The following GSE1 variants were observed in gnomAD, a reference collection of about 807,000 sequenced individuals.
GSE1 encodes genetic suppressor element 1.
Under a neutral mutation model 112.6 loss-of-function variants are expected in GSE1, and 32 were observed. The ratio of observed to expected loss-of-function variants is 0.28; its 90% CI spans 0.21 to 0.38. GSE1 has a LOEUF of 0.38. GSE1 is among the 10% of genes least tolerant of loss of function. The pLI, the probability that GSE1 is intolerant of heterozygous loss-of-function variation, is 1.00. For synonymous variants in GSE1, 1,115 were observed against 735.6 expected (o/e 1.52, Z -8.35); for missense variants, 2,348 against 1,699.2 (o/e 1.38, Z -6.71).
chr16:85,555,044 C>G (rs2045130701), upstream of GSE1: 2 of 985,366 alleles, frequency 2.0e-6, no homozygotes, highest in Non-Finnish European at 2.4e-6. Flanking sequence ...GCAAGTGAAA[C>G]TATTATTATC....
chr16:85,424,035 G>A (rs911942065), intron 2 of GSE1, among the ~76,000 whole-genome samples: 2 of 152,270 alleles, frequency 1.3e-5, no homozygotes, highest in Admixed American at 6.5e-5. Flanking sequence ...GGAGGCCAGA[G>A]CCTCCTCCAT....
chr16:85,584,749 A>G (rs1163539042), intron 1 of GSE1, among the ~76,000 whole-genome samples: 2 of 152,224 alleles, frequency 1.3e-5, no homozygotes, highest in African/African-American at 2.4e-5. Flanking sequence ...ATCAAATTTT[A>G]TCCTCTAATC....
intron 14 of GSE1, 24 bp downstream of exon 14, chr16:85,668,448 G>C (rs770332974): frequency 1.3e-6 from 2 of 1,492,632 alleles, no homozygotes; most frequent in African/African-American, 1.4e-5. Context: ...GGGGAAGAGG[G>C]GGGAGGGGGT....
intron 2 of GSE1, among the ~76,000 whole-genome samples, chr16:85,460,717 T>C (rs2049945934): frequency 6.6e-6 from 1 of 151,618 alleles, no homozygotes; most frequent in Non-Finnish European, 1.5e-5. Flanking sequence ...GGAGCACCCA[T>C]GCGCAGACAC....
At chr16:85,364,371 G>T (rs10438603) in intron 2 of GSE1, among the ~76,000 whole-genome samples, 1 of 152,142 alleles carries the variant, frequency 6.6e-6, no homozygotes, top group African/African-American at 2.4e-5. Flanking sequence ...CTCAAGGTCA[G>T]CTGGTTAGCA....
chr16:85,635,106 G>A (rs2049878293), intron 2 of GSE1, among the ~76,000 whole-genome samples: 1 of 152,184 alleles, frequency 6.6e-6, no homozygotes, highest in African/African-American at 2.4e-5. Context: ...TTCCAGCTTG[G>A]CAGAGGGGAC....
At chr16:85,385,514 G>A (rs1241219580) in intron 2 of GSE1, among the ~76,000 whole-genome samples, 1 of 152,198 alleles carries the variant, frequency 6.6e-6, no homozygotes, top group East Asian at 1.9e-4. Flanking sequence ...GGGCCCTGGG[G>A]AGCAGGGCAG....
At chr16:85,599,121 G>A (rs1300878094) in intron 1 of GSE1, among the ~76,000 whole-genome samples, 1 of 152,142 alleles carries the variant, frequency 6.6e-6, no homozygotes, top group East Asian at 1.9e-4. Context: ...CTTACACTGG[G>A]GACCCAATTC....
chr16:85,265,544 T>C (rs905062939), intron 1 of GSE1, among the ~76,000 whole-genome samples: 1 of 152,110 alleles, frequency 6.6e-6, no homozygotes, highest in African/African-American at 2.4e-5. Flanking sequence ...GACCCCTCCT[T>C]TGTCCCCTGG....
chr16:85,236,325 T>C (rs2143886520), intron 1 of GSE1, among the ~76,000 whole-genome samples: 1 of 152,244 alleles, frequency 6.6e-6, no homozygotes, highest in Non-Finnish European at 1.5e-5. Flanking sequence ...AAAAGTCAAA[T>C]AAGGATCTGA....
intron 2 of GSE1, among the ~76,000 whole-genome samples, chr16:85,436,333 A>C (rs1239593716): frequency 2.0e-5 from 3 of 152,148 alleles, no homozygotes. Context: ...AGAGCTCAAG[A>C]CACTGTCTCC....
At chr16:85,615,009 G>T (rs1399360158) in intron 1 of GSE1, among the ~76,000 whole-genome samples, 6 of 152,234 alleles carry the variant, frequency 3.9e-5, no homozygotes, top group Non-Finnish European at 4.4e-5. Context: ...CGGCCGTCTC[G>T]TCCTCTCCTC....
chr16:85,642,073 C>T (rs937957992), intron 2 of GSE1, among the ~76,000 whole-genome samples: 13 of 152,370 alleles, frequency 8.5e-5, no homozygotes, highest in East Asian at 1.9e-4. Context: ...CTGGCATCGC[C>T]GTTGGTGGGT....
Position 85,445,120 on chromosome 16 carries a change from C to T in GSE1, c.2464+87477C>T, listed in dbSNP as rs530067099. ...CTTCCAGCCTGAATCGCTGGTGGCA[C>T]CCCACAGGGCCCCCTTGTTCTGAGC... is the stretch of plus-strand genomic sequence containing the variant. On this transcript the variant is annotated intron_variant, in intron 2 of 2. Transcript: ENST00000637419. Among the ~76,000 whole-genome samples the T allele has an allele frequency of 2.0e-5, 3 of 152,380 alleles. No individual in the cohort carries two copies. In the South Asian group the frequency reaches 6.2e-4, roughly 32 times the overall value.
intron 1 of GSE1, among the ~76,000 whole-genome samples, chr16:85,342,109 C>T (rs535076345): frequency 6.6e-6 from 1 of 152,182 alleles, no homozygotes; most frequent in African/African-American, 2.4e-5. Flanking sequence ...ACCTCCCTGA[C>T]ACCTCGGGAC....
At chr16:85,255,572 C>T (rs973511826) in intron 1 of GSE1, among the ~76,000 whole-genome samples, 7 of 152,082 alleles carry the variant, frequency 4.6e-5, no homozygotes, top group Non-Finnish European at 1.0e-4. Flanking sequence ...CCACCACACC[C>T]GGCTAATTTT....
chr16:85,345,139 G>A (rs1359512683), intron 1 of GSE1, among the ~76,000 whole-genome samples: 1 of 134,274 alleles, frequency 7.4e-6, no homozygotes, highest in South Asian at 2.5e-4. Flanking sequence ...TGCGGGCCAA[G>A]TCCAGCTGGC....
intron 1 of GSE1, among the ~76,000 whole-genome samples, chr16:85,188,468 CT>C (rs2074755089): frequency 6.6e-6 from 1 of 152,202 alleles, no homozygotes; most frequent in South Asian, 2.1e-4. Flanking sequence ...GACCTAGACC[CT>C]TTTAGTCCAG....
chr16:85,172,814 TC>T (rs1210374877), intron 1 of GSE1, among the ~76,000 whole-genome samples: 3 of 152,168 alleles, frequency 2.0e-5, no homozygotes, highest in Non-Finnish European at 4.4e-5. Context: ...TGATCCTGCC[TC>T]CCACCTGCAC....
Sources: allele counts gnomAD v4.1 joint callset (sites outside exome capture counted in the v4.1 genomes callset), GRCh38; gene constraint gnomAD v4.1.1; transcripts MANE v1.5; gene names NCBI Gene and HGNC (gene_info 2026-07-23, HGNC 2026-07-21).